The following BTC variants were observed in gnomAD, a reference collection of about 807,000 sequenced individuals.
BTC encodes betacellulin, also known as probetacellulin.
A neutral mutation model predicts 18.1 loss-of-function variants in BTC; 13 were observed. The ratio of observed to expected loss-of-function variants is 0.72; its 90% confidence interval spans 0.47 to 1.14. The LOEUF (loss-of-function observed/expected upper bound fraction) is 1.14. Among genes scored for constraint, BTC ranks in the 50% most tolerant of loss-of-function variants. BTC has a pLI of 0.00. For synonymous variants in BTC, 83 were observed against 79.4 expected (o/e 1.05, Z -0.24); for missense variants, 247 against 224.2 (o/e 1.10, Z -0.65).
chr4:74,781,932 C>A (rs1466542015), intron 1 of BTC, among the ~76,000 whole-genome samples: 3 of 152,030 alleles, frequency 2.0e-5, no homozygotes, highest in Non-Finnish European at 4.4e-5. Context: ...CAGTCACAGA[C>A]ATGACCAAAA....
At chr4:74,790,311 G>C (rs1305339264) in intron 1 of BTC, among the ~76,000 whole-genome samples, 1 of 152,176 alleles carries the variant, frequency 6.6e-6, no homozygotes, top group African/African-American at 2.4e-5. Context: ...CACATTTTGA[G>C]TGGCTTTACA....
intron 2 of BTC, among the ~76,000 whole-genome samples, chr4:74,768,943 G>T (rs533585733): frequency 4.0e-4 from 61 of 152,204 alleles, no homozygotes; most frequent in Middle Eastern, 6.8e-3. Flanking sequence ...CTACATGGAT[G>T]ACAAGACCCA....
Position 74,764,298 on chromosome 4 carries a change from G to C in BTC, c.163+5760C>G, listed in dbSNP as rs185128405. Among the ~76,000 whole-genome samples, 288 of 152,286 alleles carry C rather than the reference G, an allele frequency of 1.9e-3. 1 individual carries two copies. The highest frequency in any genetic ancestry group is 6.3e-3 in the African/African-American group (262 of 41,570). Reference sequence around the variant, plus strand: ...TGTGGGAAACTGGCTTTTACACAATGAGTGATTAGACCTGTGGCACGCTAA... The same window carrying C: ...TGTGGGAAACTGGCTTTTACACAATCAGTGATTAGACCTGTGGCACGCTAA... On this transcript the variant is annotated intron_variant, in intron 2 of 5. Coordinates refer to ENST00000395743, the MANE Select transcript of BTC (RefSeq NM_001729.4).
intron 3 of BTC, among the ~76,000 whole-genome samples, chr4:74,755,043 T>C (rs1418129585): frequency 6.6e-6 from 1 of 152,060 alleles, no homozygotes; most frequent in East Asian, 1.9e-4. Flanking sequence ...GCATATTTCC[T>C]TTTTAAATTA....
At chr4:74,789,514 A>T (rs1358519050) in intron 1 of BTC, among the ~76,000 whole-genome samples, 1 of 152,184 alleles carries the variant, frequency 6.6e-6, no homozygotes, top group Non-Finnish European at 1.5e-5. Context: ...TCTCTAAATG[A>T]TAGTTATCTT....
At position 74,784,593 on chromosome 4, in the gene BTC, T is replaced by C. The variant is rs548758468; in HGVS notation, c.64+9669A>G. Among the ~76,000 whole-genome samples the C allele has an allele frequency of 2.9e-4, 44 of 152,322 alleles. 1 individual carries two copies. In the South Asian group the frequency reaches 8.7e-3, roughly 30 times the overall value. On this transcript the variant is annotated intron_variant, in intron 1 of 5. Coordinates refer to ENST00000395743, the MANE Select transcript of BTC (RefSeq NM_001729.4). ...ATATGGCTCTTACTGTTTTGACGTA[T>C]ATTCTTTCAATACCTAGTTTATTGA...
intron 1 of BTC, among the ~76,000 whole-genome samples, chr4:74,781,192 G>A (rs943461516): frequency 1.3e-4 from 20 of 150,702 alleles, no homozygotes; most frequent in African/African-American, 5.0e-4. Flanking sequence ...TTTTTTCCAA[G>A]CTCCATTTGG....
intron 1 of BTC, among the ~76,000 whole-genome samples, chr4:74,786,538 A>G (rs1725482098): frequency 6.6e-6 from 1 of 152,222 alleles, no homozygotes; most frequent in Non-Finnish European, 1.5e-5. Context: ...TTTTCTTTTT[A>G]ATACTAAACA....
chr4:74,788,108 C>A (rs933858711), intron 1 of BTC, among the ~76,000 whole-genome samples: 34 of 152,298 alleles, frequency 2.2e-4, no homozygotes, highest in African/African-American at 7.7e-4. Context: ...AATTACAAAA[C>A]CCCCTGCCTC....
chr4:74,744,924 T>C lies in BTC; in HGVS notation c.*1753A>G, dbSNP rs938621954. On this transcript the variant is annotated 3_prime_UTR_variant, in exon 6 of 6. Coordinates refer to ENST00000395743, the MANE Select transcript of BTC (RefSeq NM_001729.4). The stretch of plus-strand genomic sequence containing the variant: ...ATCTACCAAATTTCGAGAGCCACCA[T>C]TGATATTTTAGGATCAAAACAAAAT... 2.6e-5 allele frequency: 4 copies of C among 152,226 alleles called. No homozygotes were observed. The highest frequency in any genetic ancestry group is 5.9e-5 in the Non-Finnish European group (4 of 68,032). The allele number at this position is 152,226 out of a possible 1,614,324, so 9.4% of individuals were successfully genotyped here. A position where few individuals can be genotyped will look rare whatever the true frequency, so the allele number is the denominator to read the frequency against.
At chr4:74,760,968 T>TCGTGATCCGCCTGCCTC (rs1553957254) in intron 2 of BTC, among the ~76,000 whole-genome samples, 1 of 152,024 alleles carries the variant, frequency 6.6e-6, no homozygotes, top group African/African-American at 2.4e-5. Flanking sequence ...TCTCCTGACT[T>TCGTGATCCGCCTGCCTC]CGTGATCCGC....
intron 1 of BTC, among the ~76,000 whole-genome samples, chr4:74,792,120 T>C (rs1339729336): frequency 1.3e-5 from 2 of 152,038 alleles, no homozygotes; most frequent in Non-Finnish European, 2.9e-5. Context: ...ATGACAGAAA[T>C]AGGGCCACTT....
chr4:74,770,054 T>C lies in BTC; in HGVS notation c.163+4A>G. The C allele has an allele frequency of 6.2e-7, 1 of 1,602,400 alleles. No individual in the cohort carries two copies. The highest frequency in any genetic ancestry group is 8.5e-7 in the Non-Finnish European group (1 of 1,175,246). ...ATTTGAATATAAAACTTGTTAAACTTTACCTGCACAGTTTTCCTCAGGGTC... is the reference window on the plus strand; with the variant it reads ...ATTTGAATATAAAACTTGTTAAACTCTACCTGCACAGTTTTCCTCAGGGTC... On this transcript the variant is annotated splice_donor_region_variant and intron_variant, in intron 2 of 5. Transcript: ENST00000395743.
Position 74,748,025 on chromosome 4 carries a change from G to T in BTC, c.*1+15C>A. On this transcript the variant is annotated intron_variant, in intron 5 of 5. Transcript: ENST00000395743. ...CACCTGAATAGTTTTCTATCAGCAA[G>T]TTTATCTCACTTACTTTAAGCAATA... The T allele has an allele frequency of 1.4e-6, 2 of 1,481,362 alleles. No homozygotes were observed. The highest frequency in any genetic ancestry group is 9.3e-7 in the Non-Finnish European group (1 of 1,075,914). 91.8% of individuals were successfully genotyped at this position (1,481,362 alleles called of 1,614,324 possible). A position where few individuals can be genotyped will look rare whatever the true frequency, so the allele number is the denominator to read the frequency against.
intron 1 of BTC, among the ~76,000 whole-genome samples, chr4:74,789,369 C>T (rs1021811706): frequency 1.3e-5 from 2 of 152,064 alleles, no homozygotes; most frequent in Admixed American, 6.5e-5. Flanking sequence ...TAGACAAATA[C>T]CTATGAAATA....
chr4:74,755,734 G>T (rs1724578607), intron 3 of BTC, 125 bp downstream of exon 3: 1 of 854,558 alleles, frequency 1.2e-6, no homozygotes, highest in Non-Finnish European at 1.9e-6. Flanking sequence ...GTGGCTGGGG[G>T]CAGGACCAGG....
chr4:74,769,907 C>A (rs1198532955), intron 2 of BTC, 151 bp downstream of exon 2: 1 of 535,356 alleles, frequency 1.9e-6, no homozygotes, highest in African/African-American at 2.0e-5. Flanking sequence ...TCAGGGGGCT[C>A]TTGTGAGTAG....
At chr4:74,763,458 A>G (rs974320187) in intron 2 of BTC, among the ~76,000 whole-genome samples, 2 of 152,090 alleles carry the variant, frequency 1.3e-5, no homozygotes, top group African/African-American at 4.8e-5. Context: ...TAATTTTTTT[A>G]AAGTCAAATA....
chr4:74,754,382 A>G (rs1724542555), intron 3 of BTC, among the ~76,000 whole-genome samples: 1 of 152,212 alleles, frequency 6.6e-6, no homozygotes, highest in South Asian at 2.1e-4. Flanking sequence ...CAGAAGGCAC[A>G]TTTAAAGAAA....
Sources: allele counts gnomAD v4.1 joint callset (sites outside exome capture counted in the v4.1 genomes callset), GRCh38; gene constraint gnomAD v4.1.1; transcripts MANE v1.5; gene names NCBI Gene and HGNC (gene_info 2026-07-23, HGNC 2026-07-21).